Variants in CHST9 observed in about 807,000 individuals in gnomAD.
CHST9 encodes the protein carbohydrate sulfotransferase 9, also known as GalNAc-4-sulfotransferase 2.
CHST9 carries 41 observed loss-of-function variants against 44.4 expected under a neutral mutation model. The observed-to-expected ratio is 0.92, with a 90% CI of 0.72 to 1.20. CHST9 has a LOEUF of 1.20. CHST9 is among the 50% of genes most tolerant of loss of function. The pLI is 0.00. For synonymous variants in CHST9, 171 were observed against 178.4 expected, an observed-to-expected ratio of 0.96 and a Z score of 0.33; for missense variants, 504 against 516.5, an observed-to-expected ratio of 0.98 and a Z score of 0.23.
chr18:27,006,424 G>T (rs1193233209), intron 4 of CHST9, among the ~76,000 whole-genome samples: 1 of 152,044 alleles, frequency 6.6e-6, no homozygotes, highest in Non-Finnish European at 1.5e-5. Flanking sequence ...GCAATGTGTG[G>T]GTCATGAACT....
chr18:27,073,548 C>G (rs1192925086), intron 2 of CHST9, among the ~76,000 whole-genome samples: 1 of 151,976 alleles, frequency 6.6e-6, no homozygotes, highest in African/African-American at 2.4e-5. Context: ...GGTAAACCTG[C>G]AGTGTGACCA....
At chr18:27,148,414 C>T (rs1219858795) in intron 1 of CHST9, among the ~76,000 whole-genome samples, 2 of 129,886 alleles carry the variant, frequency 1.5e-5, no homozygotes, top group Non-Finnish European at 3.3e-5. Flanking sequence ...CCCCTCCCCC[C>T]ACCCCACAAC....
intron 2 of CHST9, among the ~76,000 whole-genome samples, chr18:27,118,379 T>C (rs1366291173): frequency 6.7e-6 from 1 of 149,724 alleles, no homozygotes; most frequent in Non-Finnish European, 1.5e-5. Context: ...TGCAGAACAG[T>C]TTTTAATTTT....
At chr18:27,088,689 G>A (rs909190790) in intron 2 of CHST9, among the ~76,000 whole-genome samples, 3 of 152,118 alleles carry the variant, frequency 2.0e-5, no homozygotes, top group Admixed American at 6.5e-5. Context: ...ACTGAGCCTG[G>A]CCTATTATCA....
chr18:26,989,121 C>G (rs947846407), intron 4 of CHST9, among the ~76,000 whole-genome samples: 1 of 151,712 alleles, frequency 6.6e-6, no homozygotes, highest in African/African-American at 2.4e-5. Context: ...CCAAATTAAG[C>G]AGAAGAAAGG....
intron 4 of CHST9, among the ~76,000 whole-genome samples, chr18:26,981,252 A>G (rs186637375): frequency 2.1e-4 from 32 of 152,312 alleles, no homozygotes; most frequent in Admixed American, 1.7e-3. Flanking sequence ...AAGCATAAAT[A>G]TGCATAACCA....
intron 2 of CHST9, among the ~76,000 whole-genome samples, chr18:27,088,605 G>A (rs1279197277): frequency 6.6e-6 from 1 of 151,968 alleles, no homozygotes; most frequent in Non-Finnish European, 1.5e-5. Flanking sequence ...ATGTTGGCCA[G>A]ATGATCTCGA....
At chr18:26,960,234 G>C (rs1291527793) in intron 4 of CHST9, among the ~76,000 whole-genome samples, 3 of 152,128 alleles carry the variant, frequency 2.0e-5, no homozygotes, top group Non-Finnish European at 4.4e-5. Flanking sequence ...GAAGACTCTC[G>C]AGTTGAAGGG....
chr18:27,159,650 T>G lies in CHST9; in HGVS notation c.-96-16745A>C, dbSNP rs1375837856. On this transcript the variant is annotated intron_variant, in intron 1 of 5. Coordinates refer to ENST00000618847, the MANE Select transcript of CHST9 (RefSeq NM_031422.6). ...GTTTTTTCCAATTCTGTGAAGAAAG[T>G]CATTGGTAGCTTGATGGGGATGGCA... 4.6e-5 allele frequency among the ~76,000 whole-genome samples: 7 copies of G among 152,274 alleles called. No individual in the cohort carries two copies. The East Asian group carries it at 5.8e-4, about 13-fold the overall frequency.
chr18:27,180,169 C>G (rs898338142), intron 1 of CHST9, among the ~76,000 whole-genome samples: 2 of 152,104 alleles, frequency 1.3e-5, no homozygotes, highest in African/African-American at 4.8e-5. Context: ...TACCCTCATT[C>G]TTTCACTTTC....
chr18:26,982,051 T>A (rs1405801152), intron 4 of CHST9, among the ~76,000 whole-genome samples: 1 of 152,168 alleles, frequency 6.6e-6, no homozygotes, highest in Admixed American at 6.5e-5. Flanking sequence ...CTCCTTAACA[T>A]CATTCAATGG....
chr18:26,949,978 C>G (rs1489504846), intron 4 of CHST9, among the ~76,000 whole-genome samples: 1 of 152,172 alleles, frequency 6.6e-6, no homozygotes, highest in Non-Finnish European at 1.5e-5. Context: ...AGGAACGCAG[C>G]CTTGCTGATA....
intron 2 of CHST9, among the ~76,000 whole-genome samples, chr18:27,139,127 T>C (rs2058542184): frequency 6.6e-6 from 1 of 152,162 alleles, no homozygotes; most frequent in Non-Finnish European, 1.5e-5. Context: ...GATTCTAAAG[T>C]ATTTTATTTT....
intron 2 of CHST9, among the ~76,000 whole-genome samples, chr18:27,049,781 A>G (rs2057544478): frequency 6.6e-6 from 1 of 152,200 alleles, no homozygotes; most frequent in Admixed American, 6.5e-5. Context: ...ATTCAAAAAA[A>G]TCTGAGTTGA....
At chr18:26,918,982 C>A (rs1420067545) in intron 5 of CHST9, among the ~76,000 whole-genome samples, 6 of 151,944 alleles carry the variant, frequency 3.9e-5, no homozygotes, top group African/African-American at 1.5e-4. Flanking sequence ...ACAATCATGG[C>A]AGAAGGTAAA....
chr18:26,957,287 T>C (rs549999044), intron 4 of CHST9, among the ~76,000 whole-genome samples: 1 of 152,324 alleles, frequency 6.6e-6, no homozygotes, highest in South Asian at 2.1e-4. Flanking sequence ...CTATACTTCA[T>C]TCTCTGTCAA....
intron 4 of CHST9, among the ~76,000 whole-genome samples, chr18:27,009,565 A>G (rs1354525533): frequency 6.6e-6 from 1 of 152,204 alleles, no homozygotes; most frequent in Non-Finnish European, 1.5e-5. Context: ...AATATTATAG[A>G]TAGGTGGGTG....
At chr18:27,152,021 A>G (rs1290527200) in intron 1 of CHST9, among the ~76,000 whole-genome samples, 3 of 152,320 alleles carry the variant, frequency 2.0e-5, no homozygotes, top group East Asian at 3.9e-4. Context: ...ATTTTTTCAC[A>G]TATTTTTCAA....
At chr18:26,962,625 T>G (rs947172448) in intron 4 of CHST9, among the ~76,000 whole-genome samples, 1 of 152,154 alleles carries the variant, frequency 6.6e-6, no homozygotes, top group Non-Finnish European at 1.5e-5. Flanking sequence ...TTTTTTAACT[T>G]ATCTCAATCT....
Sources: gnomAD v4.1 joint callset for allele counts (sites outside exome capture counted in the v4.1 genomes callset) on GRCh38, gnomAD v4.1.1 for gene constraint, MANE v1.5 for transcripts, NCBI Gene and HGNC (gene_info 2026-07-23, HGNC 2026-07-21) for gene names.